Variants in FHIT observed in about 807,000 individuals in gnomAD.
FHIT encodes bis(5'-adenosyl)-triphosphatase.
FHIT carries 19 observed loss-of-function variants against 17.9 expected under a neutral mutation model. The observed-to-expected ratio is 1.06, with a 90% CI of 0.74 to 1.56. The LOEUF is 1.56. FHIT is among the 40% of genes most tolerant of loss of function. The pLI is 0.00. For synonymous variants in FHIT, 81 were observed against 69.7 expected, an observed-to-expected ratio of 1.16 and a Z score of -0.81; for missense variants, 248 against 189.2, an observed-to-expected ratio of 1.31 and a Z score of -1.82.
intron 5 of FHIT, among the ~76,000 whole-genome samples, chr3:60,213,322 G>T (rs1703542947): frequency 6.6e-6 from 1 of 152,070 alleles, no homozygotes; most frequent in Admixed American, 6.6e-5. Flanking sequence ...AGCAGACTCT[G>T]AAATCCCAAA....
chr3:59,762,302 A>G (rs1335804944), intron 8 of FHIT, among the ~76,000 whole-genome samples: 2 of 152,240 alleles, frequency 1.3e-5, no homozygotes, highest in Non-Finnish European at 2.9e-5. Context: ...AACTGTGAAA[A>G]GTGAAACTGG....
rs9815842 is a variant in FHIT, at chr3:60,869,653, G to C, written c.-110-47642C>G. ...ACGGAGCCATGTAGTAGCCAAATAT[G>C]TTTCTAAGGCCCAAGGGACCACTCT... On this transcript the variant is annotated intron_variant, in intron 3 of 9. Coordinates refer to ENST00000492590, the MANE Select transcript of FHIT (RefSeq NM_002012.4). Among the ~76,000 whole-genome samples the C allele has an allele frequency of 5.7e-3, 863 of 152,144 alleles. 9 individuals are homozygous for C. The highest frequency in any genetic ancestry group is 0.024 in the Middle Eastern group (7 of 294).
chr3:60,003,254 G>A (rs956085783), intron 7 of FHIT, among the ~76,000 whole-genome samples: 1 of 151,972 alleles, frequency 6.6e-6, no homozygotes, highest in Non-Finnish European at 1.5e-5. Flanking sequence ...TGTTATCTGT[G>A]TCCTTCCTTC....
At chr3:60,820,426 C>T (rs1701885975) in intron 4 of FHIT, among the ~76,000 whole-genome samples, 1 of 152,202 alleles carries the variant, frequency 6.6e-6, no homozygotes. Flanking sequence ...CATTTTACCT[C>T]ATTTCATTTA....
At chr3:59,842,583 C>CT (rs1035659180) in intron 8 of FHIT, among the ~76,000 whole-genome samples, 2 of 152,166 alleles carry the variant, frequency 1.3e-5, no homozygotes, top group African/African-American at 2.4e-5. Flanking sequence ...ACACTTCACT[C>CT]TTTTTTGATA....
At chr3:60,575,989 G>A (rs7651928) in intron 4 of FHIT, among the ~76,000 whole-genome samples, 3 of 151,724 alleles carry the variant, frequency 2.0e-5, no homozygotes, top group African/African-American at 7.3e-5. Flanking sequence ...AGTTACTATC[G>A]TCTGGCAAAT....
At chr3:60,520,414 C>A (rs1202813488) in intron 5 of FHIT, among the ~76,000 whole-genome samples, 2 of 152,088 alleles carry the variant, frequency 1.3e-5, no homozygotes, top group Non-Finnish European at 2.9e-5. Flanking sequence ...TCCGTACCTC[C>A]TGTGTACGGA....
chr3:60,694,355 C>T (rs2041065681), intron 4 of FHIT, among the ~76,000 whole-genome samples: 1 of 151,388 alleles, frequency 6.6e-6, no homozygotes. Context: ...AAATTAAAAC[C>T]ACAATGAGAT....
chr3:59,771,177 G>C (rs565651734), intron 8 of FHIT, among the ~76,000 whole-genome samples: 4 of 152,040 alleles, frequency 2.6e-5, no homozygotes, highest in Non-Finnish European at 5.9e-5. Context: ...AATTACAAAA[G>C]ACAACAAATA....
intron 7 of FHIT, among the ~76,000 whole-genome samples, chr3:59,983,585 G>C (rs1021150556): frequency 6.6e-6 from 1 of 152,028 alleles, no homozygotes; most frequent in Non-Finnish European, 1.5e-5. Context: ...ACAGAATTTG[G>C]TACCATCTGC....
intron 2 of FHIT, among the ~76,000 whole-genome samples, chr3:61,196,054 A>C (rs76235232): frequency 0.085 from 12,942 of 152,242 alleles, 1,202 homozygotes; most frequent in East Asian, 0.43. Flanking sequence ...TAATATAACT[A>C]TGTCAGGAGG....
chr3:61,148,617 G>A (rs2037295766), intron 2 of FHIT, among the ~76,000 whole-genome samples: 1 of 152,014 alleles, frequency 6.6e-6, no homozygotes, highest in Admixed American at 6.6e-5. Context: ...ATAGACATTT[G>A]GATTTTCTCA....
chr3:61,131,160 T>A (rs115980738), intron 2 of FHIT, among the ~76,000 whole-genome samples: 1 of 152,280 alleles, frequency 6.6e-6, no homozygotes, highest in African/African-American at 2.4e-5. Context: ...AAAATAATAC[T>A]TCCTCCACAA....
chr3:59,986,160 A>T (rs1051950959), intron 7 of FHIT, among the ~76,000 whole-genome samples: 11 of 152,050 alleles, frequency 7.2e-5, no homozygotes, highest in African/African-American at 2.7e-4. Context: ...AAACTGTAGC[A>T]GCTAACTTTC....
chr3:61,213,598 A>C (rs549000369), intron 1 of FHIT, among the ~76,000 whole-genome samples: 1 of 152,172 alleles, frequency 6.6e-6, no homozygotes, highest in Non-Finnish European at 1.5e-5. Context: ...ACAGATCAAC[A>C]AGACAGAAAG....
intron 2 of FHIT, among the ~76,000 whole-genome samples, chr3:61,154,163 C>G (rs1010683989): frequency 6.6e-6 from 1 of 152,166 alleles, no homozygotes; most frequent in Admixed American, 6.5e-5. Flanking sequence ...CAGGCTCGCA[C>G]GTGGCAGATT....
chr3:59,999,432 A>G (rs189037840), intron 7 of FHIT, among the ~76,000 whole-genome samples: 436 of 152,296 alleles, frequency 2.9e-3, no homozygotes, highest in Non-Finnish European at 4.6e-3. Flanking sequence ...TTTCATTCAA[A>G]GATTCCCACT....
intron 8 of FHIT, among the ~76,000 whole-genome samples, chr3:59,752,835 A>G (rs1021022124): frequency 6.6e-6 from 1 of 152,136 alleles, no homozygotes; most frequent in Non-Finnish European, 1.5e-5. Flanking sequence ...TGCTTTCTGT[A>G]CAGCCTGAGA....
intron 8 of FHIT, among the ~76,000 whole-genome samples, chr3:59,765,327 T>C (rs1384581656): frequency 1.3e-5 from 2 of 152,222 alleles, no homozygotes; most frequent in Non-Finnish European, 2.9e-5. Context: ...AATGGACTGT[T>C]CCTAGAATCA....
Sources: allele counts gnomAD v4.1 joint callset (sites outside exome capture counted in the v4.1 genomes callset), GRCh38; gene constraint gnomAD v4.1.1; transcripts MANE v1.5; gene names NCBI Gene and HGNC (gene_info 2026-07-23, HGNC 2026-07-21).